TAF6L: variants seen among roughly 807,000 people sequenced by gnomAD.
TAF6L encodes the protein TATA-box binding protein associated factor 6 like, also known as TAF6-like RNA polymerase II p300/CBP-associated factor-associated factor 65 kDa subunit 6L.
A neutral mutation model predicts 57.3 loss-of-function variants in TAF6L; 34 were observed. The observed-to-expected ratio is 0.59, with a 90% CI of 0.45 to 0.79. The LOEUF is 0.79. TAF6L is among the 30% of genes least tolerant of loss of function. TAF6L has a pLI of 0.00. For missense variants in TAF6L, 782 were observed against 853.2 expected (o/e 0.92, Z 1.04); for synonymous variants, 417 against 376.3 (o/e 1.11, Z -1.25).
chr11:62,778,807 T>TGGAGAGGCCA (rs1323922979), intron 5 of TAF6L, 62 bp from the exon 6 acceptor site: 21 of 1,419,830 alleles, frequency 1.5e-5, no homozygotes, highest in African/African-American at 2.8e-5. Context: ...GGGAGGAGGC[T>TGGAGAGGCCA]GGAGAGGCCA....
rs750187135 is a variant in TAF6L at position 62,786,694 on chromosome 11, C to T, written c.1267C>T (p.Pro423Ser). The change falls in exon 11 of 11, where the codon CCA (proline) becomes TCA (serine). Residue 423 changes from proline (P) to serine (S), a missense_variant. Transcript: ENST00000294168. ...PSFGSGLPLPPGGAGPEDPSL... is the reference protein window; with the variant it reads ...PSFGSGLPLPSGGAGPEDPSL... ...CTTTGGGTCCGGCCTCCCGCTGCCG[C>T]CAGGGGGCGCGGGGCCGGAGGACCC... 2 of 1,612,392 alleles carry T rather than the reference C, an allele frequency of 1.2e-6. No homozygotes were observed. The highest frequency in any genetic ancestry group is 1.1e-5 in the South Asian group (1 of 90,978).
At chr11:62,774,100 G>A (rs1565186007) in intron 1 of TAF6L, among the ~76,000 whole-genome samples, 1 of 151,638 alleles carries the variant, frequency 6.6e-6, no homozygotes, top group Non-Finnish European at 1.5e-5. Flanking sequence ...TTTTTGAGAC[G>A]GAGTCTTGCT....
intron 3 of TAF6L, among the ~76,000 whole-genome samples, chr11:62,777,588 G>A (rs1332770113): frequency 1.3e-5 from 2 of 152,204 alleles, no homozygotes; most frequent in Admixed American, 1.3e-4. Context: ...TAAGGGAGGA[G>A]CCTGAGCAAC....
At chr11:62,779,319 C>CGA (rs1359312216) in intron 6 of TAF6L, among the ~76,000 whole-genome samples, 1 of 152,034 alleles carries the variant, frequency 6.6e-6, no homozygotes, top group Non-Finnish European at 1.5e-5. Context: ...CTTAGCCTCC[C>CGA]GAGTAGCTGG....
In TAF6L at chr11:62,773,182, C is replaced by G. The variant is rs192252130; in HGVS notation, c.-14+1692C>G. On this transcript the variant is annotated intron_variant, in intron 1 of 10. Coordinates refer to ENST00000294168, the MANE Select transcript of TAF6L (RefSeq NM_006473.4). ...TTTTTTTTTGAGATGGAGTCTTGCTCTGTCGCCCAGGCTGGAGTGCAGTGG... is the reference window on the plus strand; with the variant it reads ...TTTTTTTTTGAGATGGAGTCTTGCTGTGTCGCCCAGGCTGGAGTGCAGTGG... 3.0e-4 allele frequency among the ~76,000 whole-genome samples: 45 copies of G among 150,852 alleles called. 1 individual carries two copies. In the East Asian group the frequency reaches 8.6e-3, roughly 29 times the overall value.
chr11:62,779,130 C>G (rs996227127), intron 6 of TAF6L, among the ~76,000 whole-genome samples, 167 bp downstream of exon 6: 1 of 151,702 alleles, frequency 6.6e-6, no homozygotes, highest in Admixed American at 6.6e-5. Flanking sequence ...AAGTGATTCT[C>G]CTGCCTCAGC....
rs927763961 is a variant in TAF6L at position 62,782,682 on chromosome 11, T to C, written c.828-11T>C. ...CTCATTCCCCTCCCTAACTGAATGGTGCTCCCACAGGACTCATGGGGACCT... is the reference window on the plus strand; with the variant it reads ...CTCATTCCCCTCCCTAACTGAATGGCGCTCCCACAGGACTCATGGGGACCT... On this transcript the variant is annotated splice_polypyrimidine_tract_variant and intron_variant, in intron 8 of 10. Transcript: ENST00000294168. 2 of 1,611,214 alleles carry C rather than the reference T, an allele frequency of 1.2e-6. No individual in the cohort carries two copies. Among genetic ancestry groups the C allele is most frequent in the Non-Finnish European group, 1.7e-6 (2 of 1,179,308 alleles).
At chr11:62,771,951 T>C in intron 1 of TAF6L, 2 of 363,350 alleles carry the variant, frequency 5.5e-6, no homozygotes, top group South Asian at 4.1e-5. Flanking sequence ...CTCCAATCCA[T>C]GTCTTTGGGG....
intron 2 of TAF6L, 48 bp downstream of exon 2, chr11:62,775,978 C>A: frequency 6.4e-7 from 1 of 1,562,580 alleles, no homozygotes; most frequent in Non-Finnish European, 8.7e-7. Context: ...TTGTTTCTGC[C>A]TTTTTACTAA....
chr11:62,785,717 T>C (rs987188184), intron 9 of TAF6L, among the ~76,000 whole-genome samples: 13 of 151,364 alleles, frequency 8.6e-5, no homozygotes, highest in African/African-American at 3.2e-4. Context: ...GTATTTTTAG[T>C]AGAGATGGGG....
At chr11:62,785,265 C>A (rs2084261881) in intron 9 of TAF6L, among the ~76,000 whole-genome samples, 5 of 151,878 alleles carry the variant, frequency 3.3e-5, no homozygotes, top group Admixed American at 3.3e-4. Flanking sequence ...GACCTCGGCT[C>A]ACTGCAACCT....
Position 62,787,302 on chromosome 11 carries a change from T to C in TAF6L, c.*6T>C. On this transcript the variant is annotated 3_prime_UTR_variant, in exon 11 of 11. Coordinates refer to ENST00000294168, the MANE Select transcript of TAF6L (RefSeq NM_006473.4). ...CGCTGTACTTGCCGCTCTGAGTCAG[T>C]GGCCCCTTCGTTCCTTGTAAATAAA... The C allele has an allele frequency of 3.3e-6, 5 of 1,534,254 alleles. No individual in the cohort carries two copies. The highest frequency in any genetic ancestry group is 4.4e-6 in the Non-Finnish European group (5 of 1,147,970).
intron 10 of TAF6L, 35 bp from the exon 11 acceptor site, chr11:62,786,482 A>C: frequency 6.3e-7 from 1 of 1,578,608 alleles, no homozygotes; most frequent in South Asian, 1.1e-5. Context: ...AGGTTCCTCG[A>C]ATTTTTTGCC....
chr11:62,778,429 A>C (rs963330258), intron 5 of TAF6L, 94 bp downstream of exon 5: 5 of 1,448,054 alleles, frequency 3.5e-6, no homozygotes, highest in Non-Finnish European at 3.9e-6. Context: ...TGCGTCTAAC[A>C]TGTGTTTACC....
intron 1 of TAF6L, among the ~76,000 whole-genome samples, chr11:62,775,077 A>G (rs7926042): frequency 0.022 from 3,298 of 151,656 alleles, 116 homozygotes; most frequent in African/African-American, 0.077. Flanking sequence ...AAAAAAAAAA[A>G]AAAGAAAAGA....
At chr11:62,775,070 A>G (rs1405969900) in intron 1 of TAF6L, among the ~76,000 whole-genome samples, 2 of 151,724 alleles carry the variant, frequency 1.3e-5, no homozygotes, top group Non-Finnish European at 2.9e-5. Flanking sequence ...CTCAAAAAAA[A>G]AAAAAAAAAA....
intron 6 of TAF6L, among the ~76,000 whole-genome samples, chr11:62,780,511 CA>C (rs879663468): frequency 2.0e-5 from 3 of 148,420 alleles, no homozygotes; most frequent in African/African-American, 2.5e-5. Flanking sequence ...AACTTCATCT[CA>C]AAAAAAAAGA....
At chr11:62,776,262 C>A in intron 2 of TAF6L, 122 bp from the exon 3 acceptor site, 1 of 966,598 alleles carries the variant, frequency 1.0e-6, no homozygotes, top group Non-Finnish European at 1.6e-6. Flanking sequence ...GGAATCTAGG[C>A]TTCTGATCCC....
Position 62,774,891 on chromosome 11 carries a change from C to CA in TAF6L, c.-13-861dup, listed in dbSNP as rs775768945. Among the ~76,000 whole-genome samples the CA allele has an allele frequency of 9.1e-3, 766 of 84,600 alleles. 8 individuals carry two copies. The highest frequency in any genetic ancestry group is 0.017 in the Admixed American group (140 of 8,086). 55.5% of individuals were successfully genotyped at this position (84,600 alleles called of 152,430 possible). ...GGGCAACAAGAACAAAACTCCGTCT[C>CA]AAAAAAAAAAAAAAAAAAATTTAGC... On this transcript the variant is annotated intron_variant, in intron 1 of 10. Coordinates refer to ENST00000294168, the MANE Select transcript of TAF6L (RefSeq NM_006473.4).
Sources: allele counts gnomAD v4.1 joint callset (sites outside exome capture counted in the v4.1 genomes callset), GRCh38; gene constraint gnomAD v4.1.1; transcripts MANE v1.5; gene names NCBI Gene and HGNC (gene_info 2026-07-23, HGNC 2026-07-21).